ZNF584: variants seen among roughly 807,000 people sequenced by gnomAD.
ZNF584 encodes zinc finger protein 584.
A neutral mutation model predicts 14.7 loss-of-function variants in ZNF584; 12 were observed. That is an observed-to-expected ratio of 0.82 (90% CI 0.52 to 1.32). ZNF584 has a LOEUF of 1.32. Ranked by LOEUF, ZNF584 falls within the 40% of genes most tolerant of loss-of-function variation. The probability of loss-of-function intolerance (pLI) is 0.00; values close to 1 mark genes in which losing one functional copy is unlikely to be tolerated. For synonymous variants in ZNF584, 204 were observed against 190.9 expected, an observed-to-expected ratio of 1.07 and a Z score of -0.57; for missense variants, 478 against 518.8, an observed-to-expected ratio of 0.92 and a Z score of 0.76.
intron 2 of ZNF584, 35 bp from the exon 3 acceptor site, chr19:58,415,489 C>A (rs758555240): frequency 6.3e-7 from 1 of 1,596,922 alleles, no homozygotes; most frequent in Non-Finnish European, 8.6e-7. Context: ...AGCCACCATG[C>A]CCAGCCTGTT....
intron 1 of ZNF584, among the ~76,000 whole-genome samples, chr19:58,402,214 G>T (rs2052436067): frequency 6.6e-6 from 1 of 152,162 alleles, no homozygotes; most frequent in South Asian, 2.1e-4. Flanking sequence ...GCTAGAGTTC[G>T]CACTGGCTCC....
In ZNF584 at chr19:58,415,827, T is replaced by C; in HGVS notation, c.292+181T>C. 7 of 1,602,536 alleles carry C rather than the reference T, an allele frequency of 4.4e-6. No homozygotes were observed. The South Asian group carries it at 7.7e-5, about 18-fold the overall frequency. The stretch of plus-strand genomic sequence containing the variant: ...TCTACCATGATTTTCAGGCCCCGCA[T>C]GTTCCTGCCTCTCTGGCCTGCGTCT... On this transcript the variant is annotated intron_variant, in intron 3 of 3. Coordinates refer to ENST00000306910, the MANE Select transcript of ZNF584 (RefSeq NM_173548.3).
chr19:58,405,009 C>T (rs2052456509), upstream of ZNF584: 1 of 151,664 alleles, frequency 6.6e-6, no homozygotes, highest in African/African-American at 2.5e-5. Flanking sequence ...CCCCCCACCT[C>T]CCTCCCGGAC....
Position 58,417,099 on chromosome 19 carries a change from G to A in ZNF584, c.581G>A (p.Ser194Asn). The A allele has an allele frequency of 6.2e-7, 1 of 1,614,018 alleles. No individual in the cohort carries two copies. The highest frequency in any genetic ancestry group is 8.5e-7 in the Non-Finnish European group (1 of 1,179,894). ...CCCTTCAGATGCCCAACAGGCAGAA[G>A]TGCTTTCAAGAAGTCAGCTCATATT... ...ERPFRCPTGRSAFKKSAHINP... is the reference protein window; with the variant it reads ...ERPFRCPTGRNAFKKSAHINP... The change falls in exon 4 of 4, where the codon AGT (serine) becomes AAT (asparagine). Residue 194 changes from serine to asparagine, a missense_variant. By Grantham distance (46) the Ser-to-Asn change is conservative (BLOSUM62 1). This residue lies in a region of ZNF584 where 283 missense variants were observed against 317.3 expected (regional missense o/e 0.89). Transcript: ENST00000306910.
chr19:58,403,364 G>C (rs891925309), intron 1 of ZNF584, among the ~76,000 whole-genome samples: 2 of 152,174 alleles, frequency 1.3e-5, no homozygotes, highest in African/African-American at 4.8e-5. Flanking sequence ...ACCAAGTTAT[G>C]AAAGGCATGG....
chr19:58,412,250 C>T (rs1403298110), intron 2 of ZNF584, among the ~76,000 whole-genome samples: 20 of 134,812 alleles, frequency 1.5e-4, no homozygotes, highest in African/African-American at 4.5e-4. Flanking sequence ...TCGCCCAGGC[C>T]GGACTGCGGA....
intron 2 of ZNF584, among the ~76,000 whole-genome samples, chr19:58,410,593 GTA>G (rs1210056549): frequency 0.017 from 567 of 32,834 alleles, 74 homozygotes; most frequent in African/African-American, 0.092. Flanking sequence ...GTATATATAT[GTA>G]TATATATGTA....
rs1293414685 is a variant in ZNF584 at position 58,416,813 on chromosome 19, G to A, written c.295G>A (p.Gly99Ser). 2 of 1,532,824 alleles carry A rather than the reference G, an allele frequency of 1.3e-6. No homozygotes were observed. The allele number at this position is 1,532,824 out of a possible 1,614,324, so 95.0% of individuals were successfully genotyped here. Residue 99 changes from glycine to serine, a missense_variant and splice_region_variant, in exon 4 of 4, where the codon GGT (glycine) becomes AGT (serine). Physicochemically the swap from Gly to Ser is moderately conservative, Grantham distance 56. Coordinates refer to ENST00000306910, the MANE Select transcript of ZNF584 (RefSeq NM_173548.3). ...TAATGATTCATCTCTGCTTTCAGAT[G>A]GTTTGTGTAGAGTGGAGGATGAGAG... ...AEARRGFGLDGLCRVEDERAH... is the reference protein window; with the variant it reads ...AEARRGFGLDSLCRVEDERAH...
intron 1 of ZNF584, among the ~76,000 whole-genome samples, chr19:58,401,855 C>A (rs1388858194): frequency 1.7e-5 from 2 of 119,702 alleles, no homozygotes; most frequent in Non-Finnish European, 3.2e-5. Flanking sequence ...CATAGTATAA[C>A]GTGAGGATCC....
chr19:58,413,475 C>T (rs112173271), intron 2 of ZNF584, among the ~76,000 whole-genome samples: 5 of 151,126 alleles, frequency 3.3e-5, no homozygotes, highest in East Asian at 2.0e-4. Context: ...CCTCCCAAGT[C>T]GCTGGGATTA....
At chr19:58,403,708 T>C (rs535994067), upstream of ZNF584, among the ~76,000 whole-genome samples, 13 of 152,268 alleles carry the variant, frequency 8.5e-5, 1 homozygote, top group South Asian at 2.7e-3. Flanking sequence ...CGGTAGCTCA[T>C]GCCTGTAATC....
At chr19:58,407,373 A>G (rs1258437956), upstream of ZNF584, 1 of 152,282 alleles carries the variant, frequency 6.6e-6, no homozygotes, top group Admixed American at 6.5e-5. Context: ...CAGTGGGCCC[A>G]CACGCACCCA....
intron 1 of ZNF584, among the ~76,000 whole-genome samples, chr19:58,401,905 G>C (rs4801268): frequency 2.0e-5 from 2 of 98,430 alleles, no homozygotes; most frequent in African/African-American, 6.1e-5. Flanking sequence ...AAAAAAAAAA[G>C]ATTTTTTTTT....
chr19:58,409,214 G>A lies in ZNF584; in HGVS notation c.18+49G>A, dbSNP rs200643917. On this transcript the variant is annotated intron_variant, in intron 1 of 3. Coordinates refer to ENST00000306910, the MANE Select transcript of ZNF584 (RefSeq NM_173548.3). The stretch of plus-strand genomic sequence containing the variant: ...AATGAGGGGGCCCACCAGGTGGGGG[G>A]CGGCGTGTGCCAGGGCAGAGTTGGA... 736 of 1,395,172 alleles carry A rather than the reference G, an allele frequency of 5.3e-4. 2 individuals are homozygous for A. The highest frequency in any genetic ancestry group is 1.3e-3 in the Admixed American group (41 of 30,440). The allele number at this position is 1,395,172 out of a possible 1,614,324, so 86.4% of individuals were successfully genotyped here. A position where few individuals can be genotyped will look rare whatever the true frequency, so the allele number is the denominator to read the frequency against.
At chr19:58,412,399 C>T (rs1005209796) in intron 2 of ZNF584, among the ~76,000 whole-genome samples, 3 of 151,452 alleles carry the variant, frequency 2.0e-5, no homozygotes, top group Non-Finnish European at 2.9e-5. Context: ...TTAGTAGAGA[C>T]GGGGTTTCAC....
At chr19:58,407,176 T>C (rs2052480357), upstream of ZNF584, 1 of 152,166 alleles carries the variant, frequency 6.6e-6, no homozygotes. Context: ...TAGTTTTGAG[T>C]TCATATGGTC....
rs1370050263 is a variant in ZNF584 at position 58,410,611 on chromosome 19, A to G, written c.169+520A>G. On this transcript the variant is annotated intron_variant, in intron 2 of 3. Coordinates refer to ENST00000306910, the MANE Select transcript of ZNF584 (RefSeq NM_173548.3). ...TATATATGTATATATATGTATATAT[A>G]TGTGTATATATGTGTATATATGTGT... Among the ~76,000 whole-genome samples, 160 of 45,314 alleles carry G rather than the reference A, an allele frequency of 3.5e-3. 20 individuals carry two copies. Among genetic ancestry groups the G allele is most frequent in the African/African-American group, 0.027 (126 of 4,594 alleles). The allele number at this position is 45,314 out of a possible 152,430, so 29.7% of individuals were successfully genotyped here. A position where few individuals can be genotyped will look rare whatever the true frequency, so the allele number is the denominator to read the frequency against.
rs2052504526 is a variant in ZNF584 at position 58,408,995 on chromosome 19, G to T, written c.-153G>T. Reference sequence around the variant, plus strand: ...CTCCGTACCGTCCTCCTTCCCAGCGGCTCCGGGAAGCGGTTCCCTGTCTTC... The same window carrying T: ...CTCCGTACCGTCCTCCTTCCCAGCGTCTCCGGGAAGCGGTTCCCTGTCTTC... On this transcript the variant is annotated 5_prime_UTR_variant, in exon 1 of 4. Coordinates refer to ENST00000306910, the MANE Select transcript of ZNF584 (RefSeq NM_173548.3). 28 of 975,808 alleles carry T rather than the reference G, an allele frequency of 2.9e-5. 3 individuals carry two copies. In the South Asian group the frequency reaches 5.1e-4, roughly 18 times the overall value. The allele number at this position is 975,808 out of a possible 1,614,324, so 60.4% of individuals were successfully genotyped here. A position where few individuals can be genotyped will look rare whatever the true frequency, so the allele number is the denominator to read the frequency against.
At chr19:58,409,334 C>T in intron 1 of ZNF584, 169 bp downstream of exon 1, 1 of 815,298 alleles carries the variant, frequency 1.2e-6, no homozygotes, top group East Asian at 3.3e-5. Context: ...AGATGTGCCG[C>T]AGGACTGGGA....
Sources: gnomAD v4.1 joint callset for allele counts (sites outside exome capture counted in the v4.1 genomes callset) on GRCh38, gnomAD v4.1.1 for gene constraint, gnomAD v4.1.1 regional missense constraint, MANE v1.5 for transcripts, NCBI Gene and HGNC (gene_info 2026-07-23, HGNC 2026-07-21) for gene names.